PLXNA1: variants seen among roughly 807,000 people sequenced by gnomAD.
The protein encoded by PLXNA1 is plexin-A1.
Under a neutral mutation model 191.7 loss-of-function variants are expected in PLXNA1, and 77 were observed. That is an observed-to-expected ratio of 0.40 (90% confidence interval 0.33 to 0.49). PLXNA1 has a LOEUF of 0.49. Ranked by LOEUF, PLXNA1 falls within the 20% of genes least tolerant of loss-of-function variation. PLXNA1 has a pLI of 0.63. For missense variants in PLXNA1, 2,110 were observed against 2,660.2 expected, an observed-to-expected ratio of 0.79 and a Z score of 4.55; for synonymous variants, 1,137 against 1,156.4, an observed-to-expected ratio of 0.98 and a Z score of 0.34.
At chr3:126,991,322 G>T (rs2078988856) in intron 2 of PLXNA1, 62 bp from the exon 3 acceptor site, 1 of 1,583,308 alleles carries the variant, frequency 6.3e-7, no homozygotes, top group East Asian at 2.3e-5. Flanking sequence ...CCTGCCCAGG[G>T]AGGCCCAGTC....
At chr3:127,004,101 C>G (rs554789418) in intron 4 of PLXNA1, among the ~76,000 whole-genome samples, 9 of 152,362 alleles carry the variant, frequency 5.9e-5, no homozygotes, top group Non-Finnish European at 1.3e-4. Context: ...CTGGCTGGCT[C>G]GTTTTTCCTC....
chr3:126,984,113 G>A (rs996347051), intron 1 of PLXNA1, among the ~76,000 whole-genome samples: 4 of 152,230 alleles, frequency 2.6e-5, no homozygotes, highest in Admixed American at 1.3e-4. Context: ...GGAGGCAGCG[G>A]GCCGATCCCG....
chr3:127,018,231 G>A (rs1044321150), intron 19 of PLXNA1, 63 bp from the exon 20 acceptor site: 10 of 1,427,858 alleles, frequency 7.0e-6, no homozygotes, highest in South Asian at 6.6e-5. Flanking sequence ...TGCCCATCGG[G>A]AGGGGCTCCC....
At position 127,018,495 on chromosome 3, in the gene PLXNA1, C is replaced by T. The variant is rs769280080; in HGVS notation, c.3862C>T (p.Leu1288=). The T allele has an allele frequency of 6.2e-7, 1 of 1,611,838 alleles. No homozygotes were observed. The highest frequency in any genetic ancestry group is 8.5e-7 in the Non-Finnish European group (1 of 1,179,088). ...GCGGCTGCAGCTCCAGATGGACAAC[C>T]TGGAGTCCCGCGTGGCCCTCGAATG... is the stretch of plus-strand genomic sequence containing the variant. ...LKRLQLQMDN[L]ESRVALECKE... Residue 1288 remains leucine (L), a synonymous_variant, in exon 20 of 32, where the codon CTG becomes TTG. Transcript: ENST00000393409.
At chr3:127,006,730 G>C (rs1412399181) in intron 8 of PLXNA1, among the ~76,000 whole-genome samples, 2 of 152,160 alleles carry the variant, frequency 1.3e-5, no homozygotes, top group African/African-American at 4.8e-5. Context: ...GCTGGCCCCT[G>C]TGCACGCCCC....
chr3:127,005,358 C>A, intron 7 of PLXNA1, 115 bp downstream of exon 7: 1 of 1,304,982 alleles, frequency 7.7e-7, no homozygotes, highest in Non-Finnish European at 1.0e-6. Context: ...TGGTGACACT[C>A]TGACAGCTGA....
chr3:126,984,330 G>C (rs868695674), intron 1 of PLXNA1, among the ~76,000 whole-genome samples: 6 of 152,350 alleles, frequency 3.9e-5, no homozygotes, highest in Middle Eastern at 3.4e-3. Context: ...TCGAGCCTCT[G>C]TCCCCTCAGC....
rs913609439 is a variant in PLXNA1 at position 127,004,683 on chromosome 3, C to T, written c.1591C>T (p.His531Tyr). Residue 531 changes from histidine (H) to tyrosine (Y), a missense_variant, in exon 5 of 32, where the codon CAC becomes TAC. This residue lies in a region of PLXNA1 where 903 missense variants were observed against 1,015.7 expected (regional missense o/e 0.89). Transcript: ENST00000393409. Reference protein sequence around the residue: ...CELCLGSRDPHCGWCVLHSIC... With the variant: ...CELCLGSRDPYCGWCVLHSIC... Reference sequence around the variant, plus strand: ...GCTGTGTCTGGGGTCACGGGACCCCCACTGTGGCTGGTGTGTCCTGCACAG... The same window carrying T: ...GCTGTGTCTGGGGTCACGGGACCCCTACTGTGGCTGGTGTGTCCTGCACAG... The T allele has an allele frequency of 1.9e-6, 3 of 1,591,242 alleles. No individual in the cohort carries two copies. The highest frequency in any genetic ancestry group is 1.1e-5 in the South Asian group (1 of 88,018).
At chr3:127,004,834 C>T (rs1007615469) in intron 5 of PLXNA1, 51 bp from the exon 6 acceptor site, 6 of 1,567,088 alleles carry the variant, frequency 3.8e-6, no homozygotes, top group South Asian at 1.2e-5. Context: ...GCCTGGCAGG[C>T]GGGCCCCGTA....
At chr3:127,033,809 AGGGGTAGAT>A in intron 31 of PLXNA1, 104 bp from the exon 32 acceptor site, 1 of 848,202 alleles carries the variant, frequency 1.2e-6, no homozygotes, top group Non-Finnish European at 1.9e-6. Context: ...TCCTTTGGCC[AGGGGTAGAT>A]GGGGTTGAAC....
rs2079219000 is a variant in PLXNA1 at position 127,032,832 on chromosome 3, A to T, written c.5591A>T (p.Asp1864Val). Residue 1864 changes from aspartate (D) to valine (V), a missense_variant, in exon 31 of 32, where the codon GAT (aspartate) becomes GTT (valine). Physicochemically the swap from Asp to Val is radical, Grantham distance 152. This residue lies in a region of PLXNA1 where 559 missense variants were observed against 911.5 expected (regional missense o/e 0.61). Transcript: ENST00000393409. ...TACTCCTACATCACCAAGTACAAGG[A>T]TGAGGTGAACACCGTGGGAGCCCAC... Reference protein sequence around the residue: ...EIYSYITKYKDEILAALEKDE... With the variant: ...EIYSYITKYKVEILAALEKDE... The T allele has an allele frequency of 1.2e-6, 2 of 1,612,840 alleles. No homozygotes were observed. The highest frequency in any genetic ancestry group is 1.7e-6 in the Non-Finnish European group (2 of 1,179,942).
chr3:127,023,708 C>T (rs2079163113), intron 23 of PLXNA1, among the ~76,000 whole-genome samples: 1 of 152,246 alleles, frequency 6.6e-6, no homozygotes. Context: ...GATCAGCGCA[C>T]AGATGCCTGC....
chr3:126,991,547 G>T lies in PLXNA1; in HGVS notation c.1358G>T (p.Arg453Leu), dbSNP rs149382163. 41 of 1,585,188 alleles carry T rather than the reference G, an allele frequency of 2.6e-5. No homozygotes were observed. In the African/African-American group the frequency reaches 4.4e-4, roughly 17 times the overall value. Residue 453 changes from arginine to leucine, a missense_variant, in exon 3 of 32, where the codon CGA becomes CTA. By Grantham distance (102) the Arg-to-Leu change is moderately radical. Coordinates refer to ENST00000393409, the MANE Select transcript of PLXNA1 (RefSeq NM_032242.4). ...CGCACTGTGGTATTCGCCGGCACGC[G>T]AAGTGGCCGCATCCGCAAGGTCAGG... ...RGRTVVFAGT[R>L]SGRIRKILVD...
At chr3:127,000,629 G>A (rs902082568) in intron 3 of PLXNA1, among the ~76,000 whole-genome samples, 4 of 152,222 alleles carry the variant, frequency 2.6e-5, no homozygotes, top group Non-Finnish European at 5.9e-5. Context: ...TCTGGCAGGT[G>A]CTGTGTGAGT....
rs1017136553 is a variant in PLXNA1, at chr3:127,036,290, C to T, written c.*2273C>T. 3.3e-5 allele frequency: 5 copies of T among 152,760 alleles called. No homozygotes were observed. Among genetic ancestry groups the T allele is most frequent in the African/African-American group, 9.7e-5 (4 of 41,450 alleles). 9.5% of individuals were successfully genotyped at this position (152,760 alleles called of 1,614,324 possible). On this transcript the variant is annotated 3_prime_UTR_variant, in exon 32 of 32. Coordinates refer to ENST00000393409, the MANE Select transcript of PLXNA1 (RefSeq NM_032242.4). ...AGTTCCAACCCCCACTCTCCTTAGG[C>T]CTTGTGCTCTGCTCTGCCCTGCCAG... is the stretch of plus-strand genomic sequence containing the variant.
chr3:127,015,297 T>C lies in PLXNA1; in HGVS notation c.2991T>C (p.Gly997=). The change falls in exon 15 of 32, where the codon GGT becomes GGC. Residue 997 remains glycine (G), a synonymous_variant. Transcript: ENST00000393409. ...NAGSDVAVSV[G]GRPCSFSWRN... is the part of the protein sequence containing the mutation. ...GCAGTGATGTGGCTGTGTCGGTCGG[T>C]GGCCGGCCCTGCTCCTTCTCCTGGT... 1 of 1,585,092 alleles carries C rather than the reference T, an allele frequency of 6.3e-7. No homozygotes were observed. The highest frequency in any genetic ancestry group is 8.6e-7 in the Non-Finnish European group (1 of 1,166,680).
At position 127,018,439 on chromosome 3, in the gene PLXNA1, G is replaced by T; in HGVS notation, c.3806G>T (p.Arg1269Leu). ...GTGGCTGTGCTCATCGCCTACAAGCGCAAGTCACGAGATGCTGACCGCACA... is the reference window on the plus strand; with the variant it reads ...GTGGCTGTGCTCATCGCCTACAAGCTCAAGTCACGAGATGCTGACCGCACA... ...VIVAVLIAYK[R>L]KSRDADRTLK... Residue 1269 changes from arginine to leucine, a missense_variant, in exon 20 of 32, where the codon CGC becomes CTC. Arg to Leu is a moderately radical substitution (Grantham distance 102). This residue lies in a region of PLXNA1 where 559 missense variants were observed against 911.5 expected (regional missense o/e 0.61). Coordinates refer to ENST00000393409, the MANE Select transcript of PLXNA1 (RefSeq NM_032242.4). 2 of 1,613,026 alleles carry T rather than the reference G, an allele frequency of 1.2e-6. No homozygotes were observed. Among genetic ancestry groups the T allele is most frequent in the Non-Finnish European group, 1.7e-6 (2 of 1,179,996 alleles).
rs373519407 is a variant in PLXNA1, at chr3:127,014,332, C to A, written c.2561C>A (p.Ala854Glu). 6.3e-7 allele frequency: 1 copy of A among 1,596,880 alleles called. No individual in the cohort carries two copies. The highest frequency in any genetic ancestry group is 1.3e-5 in the African/African-American group (1 of 74,934). ...AADTPASWMHARHGSSRCTDP... is the reference protein window; with the variant it reads ...AADTPASWMHERHGSSRCTDP... ...GACACACCTGCATCGTGGATGCACG[C>A]GCGTCACGGCAGCAGTCGCTGCACC... Residue 854 changes from alanine to glutamate, a missense_variant, in exon 12 of 32, where the codon GCG becomes GAG. Physicochemically the swap from Ala to Glu is moderately radical, Grantham distance 107 (BLOSUM62 -1). Around this residue, in one of 4 missense-constraint regions of PLXNA1, gnomAD observed 644 missense variants for 714.3 expected, o/e 0.90. Coordinates refer to ENST00000393409, the MANE Select transcript of PLXNA1 (RefSeq NM_032242.4).
In PLXNA1 at chr3:127,010,728, G is replaced by A. The variant is rs547865167; in HGVS notation, c.2113-1230G>A. Among the ~76,000 whole-genome samples, 13 of 152,282 alleles carry A rather than the reference G, an allele frequency of 8.5e-5. No individual in the cohort carries two copies. In the East Asian group the frequency reaches 1.5e-3, roughly 18 times the overall value. ...GGGTGGGCCATGACTGAGACCTCACGCCAGGTGAGCCAGCTTCATGTCTCG... is the reference window on the plus strand; with the variant it reads ...GGGTGGGCCATGACTGAGACCTCACACCAGGTGAGCCAGCTTCATGTCTCG... On this transcript the variant is annotated intron_variant, in intron 9 of 31. Transcript: ENST00000393409.
Sources: allele counts gnomAD v4.1 joint callset (sites outside exome capture counted in the v4.1 genomes callset), GRCh38; gene constraint gnomAD v4.1.1; regional missense constraint gnomAD v4.1.1; transcripts MANE v1.5; gene names NCBI Gene and HGNC (gene_info 2026-07-23, HGNC 2026-07-21).